The following VPS41 variants were observed in gnomAD, a reference collection of about 807,000 sequenced individuals.
VPS41 encodes the protein vacuolar protein sorting-associated protein 41 homolog.
Under a neutral mutation model 130.9 loss-of-function variants are expected in VPS41, and 85 were observed. The observed-to-expected ratio is 0.65, with a 90% CI of 0.55 to 0.78. The LOEUF (loss-of-function observed/expected upper bound fraction) is 0.78, where lower values mean the gene tolerates loss of function less well. Ranked by LOEUF, VPS41 falls within the 30% of genes least tolerant of loss-of-function variation. VPS41 has a pLI of 0.00. For synonymous variants in VPS41, 335 were observed against 332.9 expected (o/e 1.01, Z -0.07); for missense variants, 874 against 1,018.7 (o/e 0.86, Z 1.93).
chr7:38,843,443 G>C (rs964525797), intron 4 of VPS41, among the ~76,000 whole-genome samples: 1 of 152,130 alleles, frequency 6.6e-6, no homozygotes, highest in Non-Finnish European at 1.5e-5. Context: ...AGCACTTTGG[G>C]AGGCCGAGGC....
chr7:38,785,607 CA>C (rs1784424654), intron 10 of VPS41, among the ~76,000 whole-genome samples: 1 of 152,142 alleles, frequency 6.6e-6, no homozygotes, highest in African/African-American at 2.4e-5. Flanking sequence ...ATTGCTTAGA[CA>C]AAAGAAAAGG....
At chr7:38,858,106 C>T (rs1456197988) in intron 4 of VPS41, among the ~76,000 whole-genome samples, 1 of 152,160 alleles carries the variant, frequency 6.6e-6, no homozygotes, top group Non-Finnish European at 1.5e-5. Flanking sequence ...GCAAACGTTT[C>T]CTATTCAGAC....
chr7:38,891,221 C>T (rs1295368326), intron 2 of VPS41, among the ~76,000 whole-genome samples: 1 of 151,986 alleles, frequency 6.6e-6, no homozygotes, highest in Non-Finnish European at 1.5e-5. Flanking sequence ...ATACAGAAGA[C>T]ACCTATAATA....
intron 25 of VPS41, among the ~76,000 whole-genome samples, chr7:38,738,449 A>C (rs1049567325): frequency 6.6e-6 from 1 of 152,242 alleles, no homozygotes; most frequent in African/African-American, 2.4e-5. Context: ...TGTTTGTCAA[A>C]TAAAACCGTC....
At chr7:38,728,946 A>C (rs541999366) in intron 25 of VPS41, among the ~76,000 whole-genome samples, 155 bp from the exon 26 acceptor site, 2 of 152,298 alleles carry the variant, frequency 1.3e-5, no homozygotes, top group South Asian at 4.2e-4. Flanking sequence ...TCTTCCTGCC[A>C]AACCACTGCC....
chr7:38,756,846 C>T lies in VPS41; in HGVS notation c.1687G>A (p.Asp563Asn). The T allele has an allele frequency of 6.4e-7, 1 of 1,565,680 alleles. No individual in the cohort carries two copies. The highest frequency in any genetic ancestry group is 1.1e-5 in the South Asian group (1 of 87,576). Residue 563 changes from aspartate (D) to asparagine (N), a missense_variant, in exon 19 of 29, where the codon GAT (aspartate) becomes AAT (asparagine). Physicochemically the swap from Asp to Asn is conservative, Grantham distance 23. Transcript: ENST00000310301. ...AATAAAAAGCACATTACCTCTGAAT[C>T]AAAATCCATTAATAAAACAATTTTA... is the stretch of plus-strand genomic sequence containing the variant. ...KDKIVLLMDF[D>N]SEKAVDMLLD...
chr7:38,790,034 A>G (rs1420380585), intron 9 of VPS41, among the ~76,000 whole-genome samples, 167 bp from the exon 10 acceptor site: 3 of 152,218 alleles, frequency 2.0e-5, no homozygotes, highest in Non-Finnish European at 4.4e-5. Flanking sequence ...ACATATAGCA[A>G]TCACTATTTA....
chr7:38,843,526 C>CA (rs1027959298), intron 4 of VPS41, among the ~76,000 whole-genome samples: 1 of 148,766 alleles, frequency 6.7e-6, no homozygotes, highest in African/African-American at 2.5e-5. Flanking sequence ...ACTAAAAATA[C>CA]AAAAAATTAG....
At chr7:38,842,237 C>T (rs1026540070) in intron 4 of VPS41, among the ~76,000 whole-genome samples, 37 of 152,176 alleles carry the variant, frequency 2.4e-4, no homozygotes, top group African/African-American at 8.2e-4. Flanking sequence ...CTCTCAAATC[C>T]ATCCTTTTCC....
chr7:38,723,560 C>G lies in VPS41; in HGVS notation c.*2686G>C, dbSNP rs1002791725. On this transcript the variant is annotated 3_prime_UTR_variant, in exon 29 of 29. Coordinates refer to ENST00000310301, the MANE Select transcript of VPS41 (RefSeq NM_014396.4). The stretch of plus-strand genomic sequence containing the variant: ...GCAACATGGTGAAACCTCATCTCTA[C>G]CAAAGTACAAAAAATTAGCTGGGCA... 13 of 149,934 alleles carry G rather than the reference C, an allele frequency of 8.7e-5. No individual in the cohort carries two copies. Among genetic ancestry groups the G allele is most frequent in the African/African-American group, 2.9e-4 (12 of 40,950 alleles). The allele number at this position is 149,934 out of a possible 1,614,324, so 9.3% of individuals were successfully genotyped here. A position where few individuals can be genotyped will look rare whatever the true frequency, so the allele number is the denominator to read the frequency against.
intron 7 of VPS41, among the ~76,000 whole-genome samples, chr7:38,809,365 T>A (rs1008360128): frequency 1.4e-5 from 2 of 138,054 alleles, no homozygotes; most frequent in Non-Finnish European, 3.3e-5. Context: ...TATATATATA[T>A]AATATAAAAT....
chr7:38,862,925 T>G (rs543727004), intron 3 of VPS41, among the ~76,000 whole-genome samples: 1 of 152,162 alleles, frequency 6.6e-6, no homozygotes, highest in Non-Finnish European at 1.5e-5. Flanking sequence ...GTAAATTAAA[T>G]GCAGCGGTGA....
chr7:38,885,644 G>A (rs1786709393), intron 2 of VPS41, among the ~76,000 whole-genome samples: 1 of 152,118 alleles, frequency 6.6e-6, no homozygotes, highest in Non-Finnish European at 1.5e-5. Context: ...AAAGGACTCA[G>A]CATAACATGA....
chr7:38,803,560 G>A (rs958983433), intron 7 of VPS41, among the ~76,000 whole-genome samples: 10 of 152,138 alleles, frequency 6.6e-5, no homozygotes, highest in African/African-American at 2.2e-4. Context: ...GAGAAATAGA[G>A]AATAGTAAAA....
chr7:38,745,489 A>G (rs1054155193), intron 23 of VPS41, 70 bp downstream of exon 23: 6 of 1,272,256 alleles, frequency 4.7e-6, no homozygotes, highest in Non-Finnish European at 6.9e-6. Flanking sequence ...GTCCTTTCTT[A>G]CACAATTTAC....
intron 3 of VPS41, among the ~76,000 whole-genome samples, chr7:38,864,656 A>G (rs1786189234): frequency 6.6e-6 from 1 of 152,214 alleles, no homozygotes; most frequent in South Asian, 2.1e-4. Context: ...ATATAACAAA[A>G]AATGCAAAAT....
intron 1 of VPS41, among the ~76,000 whole-genome samples, chr7:38,906,325 C>T (rs920952467): frequency 5.6e-5 from 8 of 143,706 alleles, no homozygotes; most frequent in African/African-American, 1.9e-4. Context: ...TTACAACAGA[C>T]TGCTGGGTTT....
At chr7:38,891,015 T>C (rs35415861) in intron 2 of VPS41, among the ~76,000 whole-genome samples, 1,445 of 92,276 alleles carry the variant, frequency 0.016, 12 homozygotes, top group South Asian at 0.066. Context: ...TTAAATTTAA[T>C]ATCTCAAGGA....
chr7:38,730,248 A>G (rs757693974), intron 25 of VPS41, among the ~76,000 whole-genome samples: 8 of 152,216 alleles, frequency 5.3e-5, no homozygotes, highest in Admixed American at 2.0e-4. Context: ...TTTTGCTTTC[A>G]TAAGTTTTAA....
Sources: gnomAD v4.1 joint callset for allele counts (sites outside exome capture counted in the v4.1 genomes callset) on GRCh38, gnomAD v4.1.1 for gene constraint, MANE v1.5 for transcripts, NCBI Gene and HGNC (gene_info 2026-07-23, HGNC 2026-07-21) for gene names.